The following ASH1L variants were observed in gnomAD, a reference collection of about 807,000 sequenced individuals.
The protein encoded by ASH1L is ASH1 like histone lysine methyltransferase, also known as histone-lysine N-methyltransferase ASH1L.
In ASH1L, 23 loss-of-function variants were observed where a neutral mutation model predicts 269.0. The ratio of observed to expected loss-of-function variants is 0.09; its 90% CI spans 0.06 to 0.12. The LOEUF (loss-of-function observed/expected upper bound fraction) is 0.12. Ranked by LOEUF, ASH1L falls within the 10% of genes least tolerant of loss-of-function variation. ASH1L has a pLI of 1.00. For missense variants in ASH1L, 2,912 were observed against 3,567.8 expected (o/e 0.82, Z 4.68); for synonymous variants, 1,187 against 1,253.5 (o/e 0.95, Z 1.12).
At chr1:155,525,835 A>T (rs187309203) in intron 1 of ASH1L, among the ~76,000 whole-genome samples, 8 of 152,152 alleles carry the variant, frequency 5.3e-5, no homozygotes, top group South Asian at 2.1e-4. Flanking sequence ...CAGATACCAA[A>T]ATCTGACGAT....
chr1:155,431,005 A>G (rs911774293), intron 5 of ASH1L, among the ~76,000 whole-genome samples: 20 of 151,986 alleles, frequency 1.3e-4, no homozygotes, highest in Non-Finnish European at 7.4e-5. Flanking sequence ...TGAGGTCAGG[A>G]GTTCGAGACC....
chr1:155,489,626 C>T (rs1006546949), intron 2 of ASH1L, among the ~76,000 whole-genome samples: 5 of 151,208 alleles, frequency 3.3e-5, no homozygotes, highest in South Asian at 2.1e-4. Context: ...GGCATGGTGG[C>T]GGGTGCCTGT....
intron 2 of ASH1L, among the ~76,000 whole-genome samples, chr1:155,488,502 C>CAAAAAAAAAAAAAAA (rs368511587): frequency 2.4e-5 from 1 of 41,306 alleles, no homozygotes; most frequent in Non-Finnish European, 5.6e-5. Context: ...ACTAAAAATA[C>CAAAAAAAAAAAAAAA]AAAAAAAAAA....
At position 155,430,117 on chromosome 1, in the gene ASH1L, A is replaced by G. The variant is rs142596916; in HGVS notation, c.5828+8210T>C. On this transcript the variant is annotated intron_variant, in intron 5 of 27. Coordinates refer to ENST00000392403, the MANE Select transcript of ASH1L (RefSeq NM_018489.3). ...CAGCCTCCCGAGTAGCTGGGATTAC[A>G]GGCATGCGCCACCACACTTGGCTGA... Among the ~76,000 whole-genome samples the G allele has an allele frequency of 6.1e-3, 936 of 152,196 alleles. 10 individuals carry two copies. The highest frequency in any genetic ancestry group is 0.022 in the African/African-American group (911 of 41,530).
Position 155,481,880 on chromosome 1 carries a change from T to C in ASH1L, c.990A>G (p.Thr330=), listed in dbSNP as rs768900858. Residue 330 remains threonine, a synonymous_variant, in exon 3 of 28, where the codon ACA becomes ACG. Transcript: ENST00000392403. The stretch of plus-strand genomic sequence containing the variant: ...CTGAATCTTTGCTTAGCAGTCCTAC[T>C]GTAGTGATAGTTCCTGGCTTTTTGC... ...NLGKKPGTIT[T]VGLLSKDSGK... The C allele has an allele frequency of 5.6e-6, 9 of 1,614,082 alleles. No homozygotes were observed. Among genetic ancestry groups the C allele is most frequent in the South Asian group, 1.1e-5 (1 of 91,084 alleles).
At chr1:155,372,567 T>C (rs1656058254) in intron 10 of ASH1L, among the ~76,000 whole-genome samples, 6 of 151,366 alleles carry the variant, frequency 4.0e-5, no homozygotes, top group Admixed American at 4.0e-4. Context: ...CCTCAGCCTC[T>C]CAAAGTTCTG....
intron 5 of ASH1L, chr1:155,434,160 G>A (rs1239759751): frequency 1.9e-6 from 3 of 1,593,832 alleles, no homozygotes; most frequent in Admixed American, 3.6e-5. Flanking sequence ...GGCTATGGGA[G>A]CCCTCACTTC....
intron 1 of ASH1L, among the ~76,000 whole-genome samples, chr1:155,538,100 C>A (rs1362795234): frequency 6.6e-6 from 1 of 151,822 alleles, no homozygotes; most frequent in Non-Finnish European, 1.5e-5. Flanking sequence ...TCTTGGCTCA[C>A]TGCAACCTCT....
At chr1:155,493,526 A>C (rs1216981250) in intron 2 of ASH1L, among the ~76,000 whole-genome samples, 1 of 152,236 alleles carries the variant, frequency 6.6e-6, no homozygotes, top group Non-Finnish European at 1.5e-5. Flanking sequence ...ATAGTATTCA[A>C]GAACACTTGA....
chr1:155,342,105 A>G lies in ASH1L; in HGVS notation c.8294-3T>C, dbSNP rs556936284. On this transcript the variant is annotated splice_region_variant and splice_polypyrimidine_tract_variant and intron_variant, in intron 24 of 27. Coordinates refer to ENST00000392403, the MANE Select transcript of ASH1L (RefSeq NM_018489.3). ...CTCCTTTACTCCTTTGGGTCTCCCT[A>G]TGGGTCCAACCAGTGTTAAGGAATC... 73 of 1,614,016 alleles carry G rather than the reference A, an allele frequency of 4.5e-5. 1 individual carries two copies. The South Asian group carries it at 7.5e-4, about 17-fold the overall frequency.
intron 2 of ASH1L, among the ~76,000 whole-genome samples, chr1:155,502,218 G>A (rs1285288254): frequency 6.7e-6 from 1 of 150,262 alleles, no homozygotes; most frequent in African/African-American, 2.4e-5. Flanking sequence ...TTATAGGCAC[G>A]CACCACCACA....
rs977322507 is a variant in ASH1L, at chr1:155,433,058, A to G, written c.5828+5269T>C. On this transcript the variant is annotated intron_variant, in intron 5 of 27. Transcript: ENST00000392403. ...AAAGGCAGAAATCATCCTCCTTGTC[A>G]GTGTTTTAAAGCTTCAATAATTAAA... 4 of 1,082,256 alleles carry G rather than the reference A, an allele frequency of 3.7e-6. No individual in the cohort carries two copies. In the African/African-American group the frequency reaches 6.4e-5, roughly 17 times the overall value. 67.0% of individuals were successfully genotyped at this position (1,082,256 alleles called of 1,614,324 possible).
intron 2 of ASH1L, among the ~76,000 whole-genome samples, chr1:155,499,380 T>C (rs2148790119): frequency 6.6e-6 from 1 of 152,314 alleles, no homozygotes; most frequent in South Asian, 2.1e-4. Context: ...TCTGACTTCA[T>C]CTATAGTCTT....
At chr1:155,488,592 C>A (rs1359804244) in intron 2 of ASH1L, among the ~76,000 whole-genome samples, 2 of 143,882 alleles carry the variant, frequency 1.4e-5, no homozygotes, top group Non-Finnish European at 3.0e-5. Flanking sequence ...TCACTTGAAC[C>A]CAGGAGGCGG....
intron 1 of ASH1L, among the ~76,000 whole-genome samples, chr1:155,556,170 C>A (rs1671573406): frequency 6.6e-6 from 1 of 152,104 alleles, no homozygotes; most frequent in South Asian, 2.1e-4. Flanking sequence ...CCACATGAGT[C>A]CAAGAGTTCA....
chr1:155,466,357 A>T (rs1664698687), intron 3 of ASH1L, among the ~76,000 whole-genome samples: 1 of 145,568 alleles, frequency 6.9e-6, no homozygotes, highest in Non-Finnish European at 1.5e-5. Flanking sequence ...CCGTCTCAAA[A>T]AAACAAAACA....
At chr1:155,534,732 G>A (rs1048319601) in intron 1 of ASH1L, among the ~76,000 whole-genome samples, 1 of 152,096 alleles carries the variant, frequency 6.6e-6, no homozygotes, top group East Asian at 1.9e-4. Context: ...ATATACAGAG[G>A]GAGGCAGTGT....
rs766018455 is a variant in ASH1L, at chr1:155,342,055, G to A, written c.8341C>T (p.Arg2781Trp). The part of the protein sequence containing the change: ...KEQDVYICDY[R>W]LDKSAHLFYK... ...AACAGGTGTGCTGACTTGTCAAGCC[G>A]ATAATCACAGATGTACACATCTTGC... Residue 2781 changes from arginine to tryptophan, a missense_variant, in exon 25 of 28, where the codon CGG becomes TGG. Arg to Trp is a moderately radical substitution (Grantham distance 101). This residue lies in a region of ASH1L where 179 missense variants were observed against 293.8 expected (regional missense o/e 0.61). Transcript: ENST00000392403. 4 of 1,613,990 alleles carry A rather than the reference G, an allele frequency of 2.5e-6. No individual in the cohort carries two copies. Among genetic ancestry groups the A allele is most frequent in the African/African-American group, 1.3e-5 (1 of 74,894 alleles).
chr1:155,554,570 C>A (rs1238913200), intron 1 of ASH1L, among the ~76,000 whole-genome samples: 1 of 152,088 alleles, frequency 6.6e-6, no homozygotes, highest in East Asian at 1.9e-4. Context: ...CCATGCCCAG[C>A]CTGAATTTTT....
Sources: allele counts gnomAD v4.1 joint callset (sites outside exome capture counted in the v4.1 genomes callset), GRCh38; gene constraint gnomAD v4.1.1; regional missense constraint gnomAD v4.1.1; transcripts MANE v1.5; gene names NCBI Gene and HGNC (gene_info 2026-07-23, HGNC 2026-07-21).